The following ADAM22 variants were observed in gnomAD, a reference collection of about 807,000 sequenced individuals.
ADAM22 encodes ADAM metallopeptidase domain 22.
Under a neutral mutation model 144.6 loss-of-function variants are expected in ADAM22, and 65 were observed. The ratio of observed to expected loss-of-function variants is 0.45; its 90% CI spans 0.37 to 0.55. The LOEUF is 0.55. Among genes scored for constraint, ADAM22 ranks in the 20% least tolerant of loss-of-function variants. The pLI is 0.00. For synonymous variants in ADAM22, 391 were observed against 412.6 expected, an observed-to-expected ratio of 0.95 and a Z score of 0.63; for missense variants, 974 against 1,184.9, an observed-to-expected ratio of 0.82 and a Z score of 2.61.
intron 9 of ADAM22, 116 bp from the exon 10 acceptor site, chr7:88,130,272 G>GA: frequency 1.5e-6 from 1 of 669,264 alleles, no homozygotes; most frequent in Non-Finnish European, 2.4e-6. Context: ...TTACAGAAAA[G>GA]ATTTTTTTTT....
intron 2 of ADAM22, among the ~76,000 whole-genome samples, chr7:87,952,975 A>G (rs928358805): frequency 3.1e-4 from 47 of 151,782 alleles, no homozygotes; most frequent in Admixed American, 1.8e-3. Flanking sequence ...ATTTCTGTGG[A>G]ATTGGTGGTG....
At position 88,121,556 on chromosome 7, in the gene ADAM22, C is replaced by T. The variant is rs532016796; in HGVS notation, c.608-4033C>T. Among the ~76,000 whole-genome samples the T allele has an allele frequency of 7.2e-5, 11 of 152,278 alleles. 1 individual carries two copies. The highest frequency in any genetic ancestry group is 3.4e-3 in the Middle Eastern group (1 of 294). On this transcript the variant is annotated intron_variant, in intron 7 of 31. Transcript: ENST00000413139. ...GTAGCGTAACTGTCAGCTGGGACTA[C>T]AGTTTCATTTGAAGGCTCAACTGGG...
intron 3 of ADAM22, among the ~76,000 whole-genome samples, chr7:88,061,842 T>C (rs1029790454): frequency 8.8e-5 from 12 of 136,986 alleles, no homozygotes; most frequent in African/African-American, 1.3e-4. Flanking sequence ...TCTCTCTCTT[T>C]TTTTTTTTTT....
intron 4 of ADAM22, among the ~76,000 whole-genome samples, chr7:88,100,227 G>A (rs779363300): frequency 1.3e-5 from 2 of 151,996 alleles, no homozygotes; most frequent in African/African-American, 2.4e-5. Flanking sequence ...AATAATAAAG[G>A]TAAGGAAGTA....
At chr7:88,030,756 T>G (rs1407622080) in intron 3 of ADAM22, among the ~76,000 whole-genome samples, 3 of 152,138 alleles carry the variant, frequency 2.0e-5, no homozygotes, top group Admixed American at 1.3e-4. Context: ...CCGCCATGAT[T>G]GTAAATTTCC....
chr7:88,032,370 T>G (rs888268213), intron 3 of ADAM22, among the ~76,000 whole-genome samples: 10 of 152,226 alleles, frequency 6.6e-5, no homozygotes, highest in African/African-American at 1.2e-4. Flanking sequence ...CTGCTGGGTT[T>G]TGGACTTGCG....
At chr7:88,080,358 G>A (rs1360031281) in intron 4 of ADAM22, among the ~76,000 whole-genome samples, 5 of 152,002 alleles carry the variant, frequency 3.3e-5, no homozygotes, top group Non-Finnish European at 7.4e-5. Context: ...TGTGTAGAGG[G>A]AAATTTATAG....
Position 88,202,721 on chromosome 7 carries a change from T to A in ADAM22, c.*6230T>A, listed in dbSNP as rs888682525. The A allele has an allele frequency of 6.6e-6, 1 of 152,234 alleles. No individual in the cohort carries two copies. Among genetic ancestry groups the A allele is most frequent in the African/African-American group, 2.4e-5 (1 of 41,468 alleles). The allele number at this position is 152,234 out of a possible 1,614,324, so 9.4% of individuals were successfully genotyped here. A position where few individuals can be genotyped will look rare whatever the true frequency, so the allele number is the denominator to read the frequency against. ...TATAAAATTGTTCTTACATTGTAGG[T>A]AAACAAAATCTTGATGTTTTTAAAG... On this transcript the variant is annotated 3_prime_UTR_variant, in exon 32 of 32. Transcript: ENST00000413139.
intron 29 of ADAM22, among the ~76,000 whole-genome samples, chr7:88,182,450 T>C (rs1036603925): frequency 6.6e-6 from 1 of 152,220 alleles, no homozygotes; most frequent in African/African-American, 2.4e-5. Context: ...GCTCATGATC[T>C]AAAACCACCA....
At chr7:87,949,682 A>C (rs1287165180) in intron 2 of ADAM22, among the ~76,000 whole-genome samples, 1 of 151,988 alleles carries the variant, frequency 6.6e-6, no homozygotes, top group Non-Finnish European at 1.5e-5. Context: ...GTTTTGAACT[A>C]AGGACAACAA....
At chr7:88,134,244 C>A in intron 12 of ADAM22, 85 bp from the exon 13 acceptor site, 1 of 1,007,706 alleles carries the variant, frequency 9.9e-7, no homozygotes, top group Non-Finnish European at 1.5e-6. Flanking sequence ...TACTTATTTT[C>A]AGCGATATTG....
At chr7:88,159,765 G>A (rs1841040753) in intron 22 of ADAM22, among the ~76,000 whole-genome samples, 1 of 151,640 alleles carries the variant, frequency 6.6e-6, no homozygotes, top group African/African-American at 2.4e-5. Context: ...CTCAAAATAA[G>A]AGCCATCTAT....
At chr7:88,079,907 A>G (rs1175374890) in intron 4 of ADAM22, among the ~76,000 whole-genome samples, 1 of 152,190 alleles carries the variant, frequency 6.6e-6, no homozygotes, top group Non-Finnish European at 1.5e-5. Flanking sequence ...GGGAGACTTT[A>G]ACACCCCACT....
chr7:88,126,046 A>G (rs149320487), intron 8 of ADAM22, among the ~76,000 whole-genome samples: 2 of 152,158 alleles, frequency 1.3e-5, no homozygotes, highest in African/African-American at 4.8e-5. Flanking sequence ...TGAATCAATC[A>G]GGTTGTGAAG....
chr7:88,063,963 G>A (rs188008404), intron 3 of ADAM22, among the ~76,000 whole-genome samples: 136 of 152,250 alleles, frequency 8.9e-4, no homozygotes, highest in African/African-American at 3.0e-3. Flanking sequence ...CAAAATAAGA[G>A]GGAGAAGATC....
intron 5 of ADAM22, among the ~76,000 whole-genome samples, chr7:88,113,980 T>A (rs953513110): frequency 3.3e-5 from 5 of 151,836 alleles, no homozygotes; most frequent in Non-Finnish European, 5.9e-5. Flanking sequence ...CAAGTTACTT[T>A]ATCTCTTTGG....
At chr7:88,109,882 C>G (rs1165164829) in intron 5 of ADAM22, among the ~76,000 whole-genome samples, 6 of 152,106 alleles carry the variant, frequency 3.9e-5, no homozygotes, top group Non-Finnish European at 8.8e-5. Flanking sequence ...GTTACACTGA[C>G]AGATCTTAAA....
chr7:88,039,164 G>T (rs1415935852), intron 3 of ADAM22, among the ~76,000 whole-genome samples: 1 of 151,752 alleles, frequency 6.6e-6, no homozygotes, highest in Non-Finnish European at 1.5e-5. Flanking sequence ...AATTTCATGG[G>T]CCGGGCATGG....
chr7:88,027,168 C>T (rs1799192756), intron 3 of ADAM22, among the ~76,000 whole-genome samples: 1 of 152,130 alleles, frequency 6.6e-6, no homozygotes, highest in Admixed American at 6.6e-5. Flanking sequence ...CAATGTTCAT[C>T]AGGGACGTTG....
Sources: allele counts gnomAD v4.1 joint callset (sites outside exome capture counted in the v4.1 genomes callset), GRCh38; gene constraint gnomAD v4.1.1; transcripts MANE v1.5; gene names NCBI Gene and HGNC (gene_info 2026-07-23, HGNC 2026-07-21).